Variants in SQOR observed in about 807,000 individuals in gnomAD.
SQOR encodes the protein sulfide quinone oxidoreductase.
In SQOR, 39 loss-of-function variants were observed where a neutral mutation model predicts 48.6. That is an observed-to-expected ratio of 0.80 (90% CI 0.62 to 1.05). The LOEUF is 1.05. SQOR is among the 50% of genes least tolerant of loss of function. SQOR has a pLI of 0.00. For synonymous variants in SQOR, 220 were observed against 206.2 expected, an observed-to-expected ratio of 1.07 and a Z score of -0.57; for missense variants, 561 against 559.9, an observed-to-expected ratio of 1.00 and a Z score of -0.02.
chr15:45,659,406 C>T (rs1267704194), intron 2 of SQOR, among the ~76,000 whole-genome samples: 1 of 152,108 alleles, frequency 6.6e-6, no homozygotes, highest in Non-Finnish European at 1.5e-5. Flanking sequence ...TTAGGGCTGC[C>T]ATAACAAATT....
rs1235492921 is a variant in SQOR at position 45,669,169 on chromosome 15, T to G, written c.406-759T>G. On this transcript the variant is annotated intron_variant, in intron 3 of 9. Transcript: ENST00000260324. The stretch of plus-strand genomic sequence containing the variant: ...TATTTTTTATATATATATTTTTTAT[T>G]TTTTTTTAATTTTTTTTTGAGACAG... 4.4e-5 allele frequency among the ~76,000 whole-genome samples: 6 copies of G among 134,956 alleles called. No homozygotes were observed. In the East Asian group the frequency reaches 2.1e-3, roughly 47 times the overall value. 88.5% of individuals were successfully genotyped at this position (134,956 alleles called of 152,430 possible). A position where few individuals can be genotyped will look rare whatever the true frequency, so the allele number is the denominator to read the frequency against.
chr15:45,663,211 G>A (rs1378695681), intron 3 of SQOR, among the ~76,000 whole-genome samples: 2 of 152,040 alleles, frequency 1.3e-5, no homozygotes, highest in East Asian at 1.9e-4. Flanking sequence ...TAGTGACGGG[G>A]TTTTACCATG....
chr15:45,659,006 G>A lies in SQOR; in HGVS notation c.83G>A (p.Gly28Asp), dbSNP rs757034077. The change falls in exon 2 of 10, where the codon GGC (glycine) becomes GAC (aspartate). Residue 28 changes from glycine (G) to aspartate (D), a missense_variant. Transcript: ENST00000260324. ...CTCAGGCTGGGCACTCAGCAGGTCG[G>A]CCCCCTTCAGCTGCACACCGGGGCC... ...CLLRLGTQQV[G>D]PLQLHTGASH... is the part of the protein sequence containing the mutation. 11 of 1,602,400 alleles carry A rather than the reference G, an allele frequency of 6.9e-6. No homozygotes were observed. Among genetic ancestry groups the A allele is most frequent in the Non-Finnish European group, 9.4e-6 (11 of 1,174,690 alleles).
chr15:45,635,547 C>T (rs1231855771), intron 1 of SQOR, among the ~76,000 whole-genome samples: 2 of 152,040 alleles, frequency 1.3e-5, no homozygotes, highest in Non-Finnish European at 2.9e-5. Flanking sequence ...ACAGAGGGGG[C>T]GCTCGAGGGG....
chr15:45,668,852 C>T (rs532550175), intron 3 of SQOR, among the ~76,000 whole-genome samples: 1 of 152,288 alleles, frequency 6.6e-6, no homozygotes, highest in African/African-American at 2.4e-5. Context: ...TTTGTTTACA[C>T]TTTTTGGCCT....
intron 3 of SQOR, among the ~76,000 whole-genome samples, chr15:45,666,144 C>T (rs1422716201): frequency 6.6e-6 from 1 of 152,184 alleles, no homozygotes; most frequent in African/African-American, 2.4e-5. Flanking sequence ...TACCCCAGGA[C>T]ATTTGCACAT....
intron 6 of SQOR, among the ~76,000 whole-genome samples, chr15:45,677,350 G>A (rs1890055794): frequency 6.6e-6 from 1 of 152,126 alleles, no homozygotes. Flanking sequence ...TAAAATAGAA[G>A]TGTTCTCTTA....
rs115981554 is a variant in SQOR at position 45,664,607 on chromosome 15, C to A, written c.405+2482C>A. ...CAGCCCAGAATAGCGTGGAGCCATT[C>A]TCTCCCATGATCTCATGCTGCATAA... On this transcript the variant is annotated intron_variant, in intron 3 of 9. Transcript: ENST00000260324. 9.9e-3 allele frequency among the ~76,000 whole-genome samples: 1,505 copies of A among 152,224 alleles called. 31 individuals are homozygous for A. The highest frequency in any genetic ancestry group is 0.034 in the African/African-American group (1,419 of 41,518).
At chr15:45,684,806 A>G (rs571180663) in intron 7 of SQOR, among the ~76,000 whole-genome samples, 2 of 152,332 alleles carry the variant, frequency 1.3e-5, no homozygotes, top group African/African-American at 2.4e-5. Flanking sequence ...TTCCAGATAG[A>G]TAAGACTGAA....
Position 45,653,940 on chromosome 15 carries a change from G to A in SQOR, c.-17-4967G>A, listed in dbSNP as rs530361016. On this transcript the variant is annotated intron_variant, in intron 1 of 9. Transcript: ENST00000260324. ...TACATGAGGCCAGCCTGGCTAACATGGTGAAACCCTGTGTCAACTAAAAAT... is the reference window on the plus strand; with the variant it reads ...TACATGAGGCCAGCCTGGCTAACATAGTGAAACCCTGTGTCAACTAAAAAT... Among the ~76,000 whole-genome samples the A allele has an allele frequency of 1.1e-3, 171 of 152,144 alleles. 1 individual carries two copies. The highest frequency in any genetic ancestry group is 1.2e-3 in the Non-Finnish European group (83 of 67,990).
chr15:45,678,469 A>G (rs1890073475), intron 6 of SQOR, among the ~76,000 whole-genome samples: 2 of 151,964 alleles, frequency 1.3e-5, no homozygotes, highest in South Asian at 4.1e-4. Context: ...ATTGTTTTTA[A>G]TTATTATGGT....
At chr15:45,636,236 A>G (rs951699818) in intron 1 of SQOR, among the ~76,000 whole-genome samples, 1 of 152,188 alleles carries the variant, frequency 6.6e-6, no homozygotes, top group Non-Finnish European at 1.5e-5. Flanking sequence ...ATGGTAATAT[A>G]TATGTCTTTA....
chr15:45,673,492 T>TAC, intron 4 of SQOR, 115 bp from the exon 5 acceptor site: 1 of 1,143,828 alleles, frequency 8.7e-7, no homozygotes, highest in South Asian at 1.5e-5. Context: ...CATGTGGGTA[T>TAC]TGGAGGGTAA....
intron 2 of SQOR, among the ~76,000 whole-genome samples, chr15:45,661,545 C>G (rs1889720945): frequency 1.3e-5 from 2 of 152,074 alleles, no homozygotes; most frequent in Admixed American, 1.3e-4. Context: ...CCAGACTTAC[C>G]ACTGTCTCCA....
At chr15:45,674,808 C>T (rs1890006572) in intron 5 of SQOR, among the ~76,000 whole-genome samples, 1 of 152,194 alleles carries the variant, frequency 6.6e-6, no homozygotes, top group Non-Finnish European at 1.5e-5. Context: ...CCTCCCTGCT[C>T]TTGCCTGGGG....
intron 1 of SQOR, among the ~76,000 whole-genome samples, chr15:45,649,116 G>T (rs1446759129): frequency 6.6e-6 from 1 of 152,224 alleles, no homozygotes; most frequent in East Asian, 1.9e-4. Context: ...CATGTCATGT[G>T]ACATAAGATT....
upstream of SQOR, among the ~76,000 whole-genome samples, chr15:45,634,443 T>C (rs1488486263): frequency 1.3e-5 from 2 of 151,608 alleles, no homozygotes; most frequent in African/African-American, 4.8e-5. Context: ...CAACTGAAAA[T>C]GTCCAGTCAT....
At chr15:45,648,729 C>T (rs987187262) in intron 1 of SQOR, among the ~76,000 whole-genome samples, 4 of 152,220 alleles carry the variant, frequency 2.6e-5, no homozygotes, top group African/African-American at 9.6e-5. Context: ...CAGGAAGCTA[C>T]AGAGATCCAG....
chr15:45,645,924 T>C (rs771663840), intron 1 of SQOR: 6 of 152,210 alleles, frequency 3.9e-5, no homozygotes, highest in Non-Finnish European at 7.3e-5. Flanking sequence ...AGCTTGTAAC[T>C]AGCAAGCATT....
Sources: gnomAD v4.1 joint callset for allele counts (sites outside exome capture counted in the v4.1 genomes callset) on GRCh38, gnomAD v4.1.1 for gene constraint, MANE v1.5 for transcripts, NCBI Gene and HGNC (gene_info 2026-07-23, HGNC 2026-07-21) for gene names.